MGA: variants seen among roughly 807,000 people sequenced by gnomAD.
MGA encodes MAX dimerization protein MGA.
MGA carries 40 observed loss-of-function variants against 261.1 expected under a neutral mutation model. The observed-to-expected ratio is 0.15, with a 90% CI of 0.12 to 0.20. MGA has a LOEUF of 0.20. Among genes scored for constraint, MGA ranks in the 10% least tolerant of loss-of-function variants. The pLI is 1.00. For synonymous variants in MGA, 1,302 were observed against 1,290.6 expected (o/e 1.01, Z -0.19); for missense variants, 3,397 against 3,630.5 (o/e 0.94, Z 1.65).
At chr15:41,707,982 C>G in intron 6 of MGA, 122 bp from the exon 7 acceptor site, 2 of 1,380,474 alleles carry the variant, frequency 1.4e-6, no homozygotes, top group Admixed American at 2.6e-5. Context: ...GATCTTTTGT[C>G]TGTTGTTATA....
chr15:41,749,614 C>A lies in MGA; in HGVS notation c.6007C>A (p.Pro2003Thr). 3 of 1,613,740 alleles carry A rather than the reference C, an allele frequency of 1.9e-6. No homozygotes were observed. In the South Asian group the frequency reaches 3.3e-5, roughly 18 times the overall value. Reference sequence around the variant, plus strand: ...ACAGTCAGAAGGAGAGGCTGTAGACCCTGAGGCTAATGTAATAAAACAAAA... The same window carrying A: ...ACAGTCAGAAGGAGAGGCTGTAGACACTGAGGCTAATGTAATAAAACAAAA... The change falls in exon 17 of 24, where the codon CCT becomes ACT. Residue 2003 changes from proline to threonine, a missense_variant. By Grantham distance (38) the Pro-to-Thr change is conservative. Coordinates refer to ENST00000219905, the MANE Select transcript of MGA (RefSeq NM_001164273.2).
intron 19 of MGA, among the ~76,000 whole-genome samples, 181 bp downstream of exon 19, chr15:41,758,020 C>T (rs1302428380): frequency 6.6e-6 from 1 of 151,770 alleles, no homozygotes; most frequent in Admixed American, 6.6e-5. Flanking sequence ...CCTTTTTTTC[C>T]CTTTTAATTC....
At chr15:41,657,252 T>C (rs2057223876), upstream of MGA, among the ~76,000 whole-genome samples, 1 of 152,018 alleles carries the variant, frequency 6.6e-6, no homozygotes, top group African/African-American at 2.4e-5. Flanking sequence ...GTTGTAGTAC[T>C]AAATGGTGGG....
Position 41,742,882 on chromosome 15 carries a change from C to T in MGA, c.4922C>T (p.Ser1641Phe), listed in dbSNP as rs572691440. The change falls in exon 15 of 24, where the codon TCT becomes TTT. Residue 1641 changes from serine (S) to phenylalanine (F), a missense_variant. Around this residue, in one of 9 missense-constraint regions of MGA, gnomAD observed 1,410 missense variants for 1,386.4 expected, o/e 1.02. Transcript: ENST00000219905. ...ACCACTACAGGGGTTGTTGAGGTCTCTGAAACTAATACCAGCACCTCTGTA... is the reference window on the plus strand; with the variant it reads ...ACCACTACAGGGGTTGTTGAGGTCTTTGAAACTAATACCAGCACCTCTGTA... 6.2e-7 allele frequency: 1 copy of T among 1,614,026 alleles called. No homozygotes were observed. Among genetic ancestry groups the T allele is most frequent in the Non-Finnish European group, 8.5e-7 (1 of 1,179,898 alleles).
chr15:41,660,838 C>G (rs2057352003), intron 1 of MGA, among the ~76,000 whole-genome samples: 1 of 152,150 alleles, frequency 6.6e-6, no homozygotes, highest in African/African-American at 2.4e-5. Context: ...CATGGCTCGG[C>G]CCTGCCCTCG....
intron 5 of MGA, among the ~76,000 whole-genome samples, chr15:41,704,682 T>A (rs2060018488): frequency 6.6e-6 from 1 of 151,960 alleles, no homozygotes; most frequent in Non-Finnish European, 1.5e-5. Context: ...ACAAAAAAAA[T>A]TGGTGATTAG....
chr15:41,653,709 C>T lies in MGA; in HGVS notation c.-67-15119C>T, dbSNP rs572939865. ...CCTGGGAGACAGAGTGAGACCCCAT[C>T]TCTTAAAAAAAAAAAAAAAGAAAAA... On this transcript the variant is annotated intron_variant, in intron 1 of 8. Transcript: ENST00000566718. Among the ~76,000 whole-genome samples, 5 of 143,662 alleles carry T rather than the reference C, an allele frequency of 3.5e-5. No individual in the cohort carries two copies. In the East Asian group the frequency reaches 8.1e-4, roughly 23 times the overall value. 94.2% of individuals were successfully genotyped at this position (143,662 alleles called of 152,430 possible). A position where few individuals can be genotyped will look rare whatever the true frequency, so the allele number is the denominator to read the frequency against.
intron 2 of MGA, among the ~76,000 whole-genome samples, chr15:41,686,581 A>G (rs2058984626): frequency 2.0e-5 from 3 of 151,538 alleles, no homozygotes; most frequent in Admixed American, 2.0e-4. Flanking sequence ...TCTTAGAGAA[A>G]CTCATTCTGT....
intron 3 of MGA, among the ~76,000 whole-genome samples, chr15:41,698,633 A>AT (rs1228491088): frequency 2.0e-5 from 3 of 152,072 alleles, no homozygotes; most frequent in African/African-American, 7.2e-5. Context: ...TCGTATTCAC[A>AT]TTTTTTTACT....
chr15:41,672,865 T>TGCACAC (rs1555408286), intron 2 of MGA, among the ~76,000 whole-genome samples: 1 of 92,686 alleles, frequency 1.1e-5, no homozygotes, highest in Non-Finnish European at 2.5e-5. Context: ...CACATGCGTG[T>TGCACAC]GCACACACAC....
intron 15 of MGA, among the ~76,000 whole-genome samples, chr15:41,745,613 T>G (rs375405197): frequency 3.4e-4 from 51 of 152,004 alleles, no homozygotes; most frequent in African/African-American, 1.1e-3. Context: ...TATCTATATA[T>G]AGAGAGAGAC....
intron 8 of MGA, 89 bp downstream of exon 8, chr15:41,711,438 C>A: frequency 7.6e-7 from 1 of 1,314,838 alleles, no homozygotes; most frequent in Non-Finnish European, 1.0e-6. Context: ...TACTTTTTGG[C>A]AGGGTGATCA....
chr15:41,656,848 C>T (rs2057212875), upstream of MGA, among the ~76,000 whole-genome samples: 1 of 152,200 alleles, frequency 6.6e-6, no homozygotes, highest in Non-Finnish European at 1.5e-5. Flanking sequence ...ACAATCACAG[C>T]TCACTGTAGC....
At chr15:41,738,148 AC>A (rs1370953279) in intron 13 of MGA, among the ~76,000 whole-genome samples, 1 of 151,692 alleles carries the variant, frequency 6.6e-6, no homozygotes, top group East Asian at 2.0e-4. Context: ...CACCTGTAAT[AC>A]CAGCACTTTG....
chr15:41,626,231 CA>C (rs1206754021), intron 1 of MGA, among the ~76,000 whole-genome samples: 2 of 150,920 alleles, frequency 1.3e-5, no homozygotes, highest in African/African-American at 4.9e-5. Context: ...CTAATGGTGA[CA>C]TTTTTAAGCA....
Position 41,750,035 on chromosome 15 carries a change from C to A in MGA, c.6428C>A (p.Ser2143Ter). 6.2e-7 allele frequency: 1 copy of A among 1,613,058 alleles called. No individual in the cohort carries two copies. The highest frequency in any genetic ancestry group is 1.1e-5 in the South Asian group (1 of 90,946). The change falls in exon 17 of 24, where the codon TCA (serine) becomes TAA (stop). Residue 2143 changes from serine (S) to a stop codon, truncating the protein, a stop_gained. Coordinates refer to ENST00000219905, the MANE Select transcript of MGA (RefSeq NM_001164273.2). LOFTEE classifies it high-confidence loss of function. ...AAGGAAGAAAGTAAATTTGAATTGT[C>A]AGGAAGCAAAGTTATGGAGCAGCAA...
Position 41,669,057 on chromosome 15 carries a change from T to C in MGA, c.163T>C (p.Ser55Pro), listed in dbSNP as rs1016195330. ...TGCCTGTGCTTTGGCTAGTAGTGTG[T>C]CATCACCAGTAAAATCTAAAGGGAA... The change falls in exon 2 of 24, where the codon TCA becomes CCA. Residue 55 changes from serine to proline, a missense_variant. This residue lies in a region of MGA where 81 missense variants were observed against 84.3 expected (regional missense o/e 0.96). Coordinates refer to ENST00000219905, the MANE Select transcript of MGA (RefSeq NM_001164273.2). 6.2e-7 allele frequency: 1 copy of C among 1,611,786 alleles called. No individual in the cohort carries two copies. The highest frequency in any genetic ancestry group is 8.5e-7 in the Non-Finnish European group (1 of 1,178,088).
rs748010972 is a variant in MGA, at chr15:41,710,895, C to T, written c.2630C>T (p.Thr877Ile). The change falls in exon 8 of 24, where the codon ACT (threonine) becomes ATT (isoleucine). Residue 877 changes from threonine (T) to isoleucine (I), a missense_variant. Transcript: ENST00000219905. ...GATAGTGTACTAAAGAAGCAATCTA[C>T]TATTTCCCCTTCTACCTCTTATTCT... 4.3e-6 allele frequency: 7 copies of T among 1,613,800 alleles called. No individual in the cohort carries two copies. The highest frequency in any genetic ancestry group is 5.9e-6 in the Non-Finnish European group (7 of 1,179,824).
intron 1 of MGA, among the ~76,000 whole-genome samples, chr15:41,661,345 G>T (rs11070344): frequency 1.2e-5 from 1 of 84,128 alleles, no homozygotes; most frequent in Non-Finnish European, 2.6e-5. Context: ...CCCCCCCACC[G>T]CCCCCCCAAA....
Sources: gnomAD v4.1 joint callset for allele counts (sites outside exome capture counted in the v4.1 genomes callset) on GRCh38, gnomAD v4.1.1 for gene constraint, gnomAD v4.1.1 regional missense constraint, MANE v1.5 for transcripts, NCBI Gene and HGNC (gene_info 2026-07-23, HGNC 2026-07-21) for gene names.